CD58: variants seen among roughly 807,000 people sequenced by gnomAD.
CD58 encodes CD58 molecule.
A neutral mutation model predicts 27.6 loss-of-function variants in CD58; 14 were observed. The ratio of observed to expected loss-of-function variants is 0.51; its 90% CI spans 0.34 to 0.79. The LOEUF (loss-of-function observed/expected upper bound fraction) is 0.79, where lower values mean the gene tolerates loss of function less well. Among genes scored for constraint, CD58 ranks in the 30% least tolerant of loss-of-function variants. The pLI is 0.02. For missense variants in CD58, 268 were observed against 301.7 expected (o/e 0.89, Z 0.83); for synonymous variants, 117 against 103.8 (o/e 1.13, Z -0.77).
rs764095453 is a variant in CD58 at position 116,557,564 on chromosome 1, C to T, written c.71-12960G>A. On this transcript the variant is annotated intron_variant, in intron 1 of 5. Transcript: ENST00000369489. The surrounding 1 kb of genome is among the most constrained non-coding windows in gnomAD (Gnocchi z 5.2). Reference sequence around the variant, plus strand: ...TGTCAGCCCCAATCAAACTTAACAGCCTCGCTATGGTTTGAGGAGGTTCAC... The same window carrying T: ...TGTCAGCCCCAATCAAACTTAACAGTCTCGCTATGGTTTGAGGAGGTTCAC... Among the ~76,000 whole-genome samples the T allele has an allele frequency of 6.6e-6, 1 of 152,198 alleles. No homozygotes were observed. Among genetic ancestry groups the T allele is most frequent in the East Asian group, 1.9e-4 (1 of 5,202 alleles).
In CD58 at chr1:116,519,595, G is replaced by A. The variant is rs1013546290; in HGVS notation, c.707-328C>T. Among the ~76,000 whole-genome samples, 2 of 151,930 alleles carry A rather than the reference G, an allele frequency of 1.3e-5. No homozygotes were observed. The highest frequency in any genetic ancestry group is 4.8e-5 in the African/African-American group (2 of 41,356). ...GCTGTCCAATAGAAATATAATGCAA[G>A]CCACATAAGTAATTTAAAATTTTTG... is the stretch of plus-strand genomic sequence containing the variant. On this transcript the variant is annotated intron_variant, in intron 4 of 5. Transcript: ENST00000369489. This position sits in a 1 kb window ranked among gnomAD's most constrained non-coding sequence, Gnocchi z 4.7.
chr1:116,534,560 G>A lies in CD58; in HGVS notation c.628+1405C>T, dbSNP rs1204132624. ...AGCCGCCCGCAGCGCAGAACAAAGCGACTTGACCTTCAGGGCAGTGGGCGG... is the reference window on the plus strand; with the variant it reads ...AGCCGCCCGCAGCGCAGAACAAAGCAACTTGACCTTCAGGGCAGTGGGCGG... On this transcript the variant is annotated intron_variant, in intron 3 of 5. Coordinates refer to ENST00000369489, the MANE Select transcript of CD58 (RefSeq NM_001779.3). This position sits in a 1 kb window ranked among gnomAD's most constrained non-coding sequence, Gnocchi z 5.3. Among the ~76,000 whole-genome samples the A allele has an allele frequency of 6.6e-6, 1 of 152,174 alleles. No individual in the cohort carries two copies. Among genetic ancestry groups the A allele is most frequent in the Non-Finnish European group, 1.5e-5 (1 of 68,028 alleles).
In CD58 at chr1:116,520,421, G is replaced by GT. The variant is rs958418849; in HGVS notation, c.707-1155dup. Among the ~76,000 whole-genome samples, 558 of 136,526 alleles carry GT rather than the reference G, an allele frequency of 4.1e-3. 1 individual carries two copies. The highest frequency in any genetic ancestry group is 5.7e-3 in the Non-Finnish European group (357 of 62,116). 89.6% of individuals were successfully genotyped at this position (136,526 alleles called of 152,430 possible). A position where few individuals can be genotyped will look rare whatever the true frequency, so the allele number is the denominator to read the frequency against. On this transcript the variant is annotated intron_variant, in intron 4 of 5. Transcript: ENST00000369489. ...AGCCACCATGCCTGGCCTCCAAATTGTTTTTTTTTTTTAAGAACAAATTTT... is the reference window on the plus strand; with the variant it reads ...AGCCACCATGCCTGGCCTCCAAATTGTTTTTTTTTTTTTAAGAACAAATTTT...
intron 2 of CD58, among the ~76,000 whole-genome samples, chr1:116,543,632 T>C (rs1328341958): frequency 1.3e-5 from 2 of 152,128 alleles, no homozygotes; most frequent in South Asian, 4.2e-4. Flanking sequence ...CAGTTTAAAA[T>C]GGTGCAGGAG....
rs1571068261 is a variant in CD58 at position 116,534,917 on chromosome 1, T to A, written c.628+1048A>T. Among the ~76,000 whole-genome samples, 1 of 152,274 alleles carries A rather than the reference T, an allele frequency of 6.6e-6. No homozygotes were observed. Among genetic ancestry groups the A allele is most frequent in the Middle Eastern group, 3.4e-3 (1 of 294 alleles). ...AAATTTCATTCATAGACTCACCTTA[T>A]CCCAGCCCTAGAGACTCATATTCTC... On this transcript the variant is annotated intron_variant, in intron 3 of 5. Transcript: ENST00000369489. This position sits in a 1 kb window ranked among gnomAD's most constrained non-coding sequence, Gnocchi z 5.3.
rs562146751 is a variant in CD58, at chr1:116,541,941, G to T, written c.364+2370C>A. Among the ~76,000 whole-genome samples, 1 of 152,324 alleles carries T rather than the reference G, an allele frequency of 6.6e-6. No individual in the cohort carries two copies. The highest frequency in any genetic ancestry group is 2.1e-4 in the South Asian group (1 of 4,826). ...CAGTGTTAAGAGGTTGGGGAAACAA[G>T]GAAACTAGCAAAAGAAGCTGAAAAG... is the stretch of plus-strand genomic sequence containing the variant. On this transcript the variant is annotated intron_variant, in intron 2 of 5. Coordinates refer to ENST00000369489, the MANE Select transcript of CD58 (RefSeq NM_001779.3). The surrounding 1 kb of genome is among the most constrained non-coding windows in gnomAD (Gnocchi z 5.3).
intron 3 of CD58, among the ~76,000 whole-genome samples, chr1:116,526,253 T>C (rs1163478837): frequency 1.3e-5 from 2 of 152,244 alleles, no homozygotes; most frequent in Admixed American, 1.3e-4. Flanking sequence ...TGGTGTTGTA[T>C]CTAAAAAGTC....
At chr1:116,548,574 C>T (rs1401287598) in intron 1 of CD58, among the ~76,000 whole-genome samples, 8 of 152,138 alleles carry the variant, frequency 5.3e-5, no homozygotes, top group Non-Finnish European at 1.2e-4. Context: ...ATACAACATG[C>T]AATGCATATA....
chr1:116,514,711 C>T lies in CD58; in HGVS notation c.*102G>A. 1 of 706,458 alleles carries T rather than the reference C, an allele frequency of 1.4e-6. No homozygotes were observed. The highest frequency in any genetic ancestry group is 1.9e-5 in the South Asian group (1 of 54,018). The allele number at this position is 706,458 out of a possible 1,614,324, so 43.8% of individuals were successfully genotyped here. On this transcript the variant is annotated 3_prime_UTR_variant, in exon 6 of 6. Coordinates refer to ENST00000369489, the MANE Select transcript of CD58 (RefSeq NM_001779.3). ...AAGCAGCTGCTTCAAGTTACATTTC[C>T]AACAGTTGTTCAAAAATTGTAATAC...
chr1:116,524,664 A>C lies in CD58; in HGVS notation c.629-2681T>G, dbSNP rs952202285. 3.9e-5 allele frequency among the ~76,000 whole-genome samples: 6 copies of C among 152,236 alleles called. No homozygotes were observed. Among genetic ancestry groups the C allele is most frequent in the African/African-American group, 1.2e-4 (5 of 41,460 alleles). On this transcript the variant is annotated intron_variant, in intron 3 of 5. Transcript: ENST00000369489. The surrounding 1 kb of genome is among the most constrained non-coding windows in gnomAD (Gnocchi z 4.6). ...TCCCAATATTCAATAACAACAATAT[A>C]AATATTCATTTGCATTTTCCTGCAA...
Position 116,536,776 on chromosome 1 carries a change from G to GACC in CD58, c.365-551_365-549dup, listed in dbSNP as rs1294151262. Among the ~76,000 whole-genome samples, 1 of 152,132 alleles carries GACC rather than the reference G, an allele frequency of 6.6e-6. No homozygotes were observed. Among genetic ancestry groups the GACC allele is most frequent in the Non-Finnish European group, 1.5e-5 (1 of 68,042 alleles). ...AGTTCTTTATAGCAGTGTGAAAACA[G>GACC]ACCAATACAGGCCCCAAATCCCTTA... is the stretch of plus-strand genomic sequence containing the variant. On this transcript the variant is annotated intron_variant, in intron 2 of 5. Coordinates refer to ENST00000369489, the MANE Select transcript of CD58 (RefSeq NM_001779.3). The surrounding 1 kb of genome is among the most constrained non-coding windows in gnomAD (Gnocchi z 5.4).
In CD58 at chr1:116,550,402, T is replaced by C. The variant is rs1041149441; in HGVS notation, c.71-5798A>G. Among the ~76,000 whole-genome samples, 7 of 152,190 alleles carry C rather than the reference T, an allele frequency of 4.6e-5. No homozygotes were observed. Among genetic ancestry groups the C allele is most frequent in the Admixed American group, 4.6e-4 (7 of 15,278 alleles). On this transcript the variant is annotated intron_variant, in intron 1 of 5. Coordinates refer to ENST00000369489, the MANE Select transcript of CD58 (RefSeq NM_001779.3). This position sits in a 1 kb window ranked among gnomAD's most constrained non-coding sequence, Gnocchi z 4.2. The stretch of plus-strand genomic sequence containing the variant: ...GTTCACAGCATCTTCACCAGGAGTA[T>C]AGATGCCATCTGAAGAAACCACTTT...
intron 1 of CD58, among the ~76,000 whole-genome samples, chr1:116,555,999 T>C (rs1203863229): frequency 3.3e-5 from 5 of 152,184 alleles, no homozygotes; most frequent in Non-Finnish European, 5.9e-5. Context: ...CTCATGCCTG[T>C]AATCCCAGCA....
rs1657113821 is a variant in CD58 at position 116,517,397 on chromosome 1, C to T, written c.743+1834G>A. Among the ~76,000 whole-genome samples, 1 of 152,152 alleles carries T rather than the reference C, an allele frequency of 6.6e-6. No homozygotes were observed. Among genetic ancestry groups the T allele is most frequent in the African/African-American group, 2.4e-5 (1 of 41,426 alleles). On this transcript the variant is annotated intron_variant, in intron 5 of 5. Coordinates refer to ENST00000369489, the MANE Select transcript of CD58 (RefSeq NM_001779.3). This position sits in a 1 kb window ranked among gnomAD's most constrained non-coding sequence, Gnocchi z 6.5. ...TTGTACTTCCTTGCCCCCAGGCCTC[C>T]TGCCACAGCTTGTTTCTCCTGCACT...
chr1:116,554,037 CACAT>C (rs1034103637), intron 1 of CD58, among the ~76,000 whole-genome samples: 24 of 152,154 alleles, frequency 1.6e-4, no homozygotes, highest in African/African-American at 5.6e-4. Flanking sequence ...GAATTAAACA[CACAT>C]ACAAAAACAC....
At chr1:116,542,654 T>C (rs1054802160) in intron 2 of CD58, among the ~76,000 whole-genome samples, 6 of 152,144 alleles carry the variant, frequency 3.9e-5, no homozygotes, top group Admixed American at 2.0e-4. Context: ...CATCAACTTA[T>C]GGGGGAAATT....
In CD58 at chr1:116,570,840, C is replaced by T; in HGVS notation, c.70+63G>A. ...CCGCCTCGAGCCCGGCGCGTCCACCCAGCCTGGGTGCTGCCCAGTACCCGC... is the reference window on the plus strand; with the variant it reads ...CCGCCTCGAGCCCGGCGCGTCCACCTAGCCTGGGTGCTGCCCAGTACCCGC... On this transcript the variant is annotated intron_variant, in intron 1 of 5. Transcript: ENST00000369489. This position sits in a 1 kb window ranked among gnomAD's most constrained non-coding sequence, Gnocchi z 6.4. The T allele has an allele frequency of 7.3e-7, 1 of 1,371,676 alleles. No individual in the cohort carries two copies. 85.0% of individuals were successfully genotyped at this position (1,371,676 alleles called of 1,614,324 possible).
intron 3 of CD58, among the ~76,000 whole-genome samples, chr1:116,526,543 CT>C (rs2101161551): frequency 6.6e-6 from 1 of 152,304 alleles, no homozygotes; most frequent in Non-Finnish European, 1.5e-5. Context: ...ATTCACTGAT[CT>C]ATTTGTCTTT....
Position 116,514,783 on chromosome 1 carries a change from T to C in CD58, c.*30A>G. On this transcript the variant is annotated 3_prime_UTR_variant, in exon 6 of 6. Coordinates refer to ENST00000369489, the MANE Select transcript of CD58 (RefSeq NM_001779.3). ...TTTTTAGTTTTTAAAATAATTTAGT[T>C]ATGCTGTTGTCTTCATCTTCTGTTA... 4 of 1,416,096 alleles carry C rather than the reference T, an allele frequency of 2.8e-6. No individual in the cohort carries two copies. The highest frequency in any genetic ancestry group is 3.0e-6 in the Non-Finnish European group (3 of 1,012,992). 87.7% of individuals were successfully genotyped at this position (1,416,096 alleles called of 1,614,324 possible). A position where few individuals can be genotyped will look rare whatever the true frequency, so the allele number is the denominator to read the frequency against.
Sources: allele counts gnomAD v4.1 joint callset (sites outside exome capture counted in the v4.1 genomes callset), GRCh38; gene constraint gnomAD v4.1.1; non-coding constraint Gnocchi (gnomAD v3.1); transcripts MANE v1.5; gene names NCBI Gene and HGNC (gene_info 2026-07-23, HGNC 2026-07-21).